The following FAT3 variants were observed in gnomAD, a reference collection of about 807,000 sequenced individuals.
The protein encoded by FAT3 is protocadherin Fat 3.
In FAT3, 95 loss-of-function variants were observed where a neutral mutation model predicts 310.2. The ratio of observed to expected loss-of-function variants is 0.31; its 90% CI spans 0.26 to 0.36. FAT3 has a LOEUF of 0.36. FAT3 is among the 10% of genes least tolerant of loss of function. The pLI is 1.00. For synonymous variants in FAT3, 2,314 were observed against 2,192.9 expected, an observed-to-expected ratio of 1.06 and a Z score of -1.54; for missense variants, 5,408 against 5,715.6, an observed-to-expected ratio of 0.95 and a Z score of 1.74.
intron 6 of FAT3, among the ~76,000 whole-genome samples, chr11:92,770,507 A>G (rs2136107856): frequency 6.6e-6 from 1 of 152,230 alleles, no homozygotes; most frequent in East Asian, 1.9e-4. Context: ...ATTTTTTCTT[A>G]AGTTCGGTGT....
At chr11:92,489,462 T>C (rs1211226121) in intron 2 of FAT3, among the ~76,000 whole-genome samples, 1 of 152,110 alleles carries the variant, frequency 6.6e-6, no homozygotes, top group African/African-American at 2.4e-5. Flanking sequence ...TGAGATCTTA[T>C]GGAGAGTCTG....
intron 2 of FAT3, among the ~76,000 whole-genome samples, chr11:92,377,879 C>T (rs11019940): frequency 0.34 from 51,509 of 152,044 alleles, 11,725 homozygotes; most frequent in African/African-American, 0.65. Context: ...GAGGAAGACA[C>T]GTTTTCTGGG....
chr11:92,599,459 G>A (rs1280038112), intron 3 of FAT3, among the ~76,000 whole-genome samples: 2 of 151,976 alleles, frequency 1.3e-5, no homozygotes, highest in Admixed American at 6.6e-5. Flanking sequence ...AGGATTATGG[G>A]AACTACAGTT....
chr11:92,343,262 T>C (rs1233601028), intron 1 of FAT3, among the ~76,000 whole-genome samples: 1 of 152,118 alleles, frequency 6.6e-6, no homozygotes, highest in African/African-American at 2.4e-5. Context: ...TGAAAAAGGT[T>C]GGGTTTTGGT....
At chr11:92,836,449 A>G (rs1255791823) in intron 15 of FAT3, 117 bp from the exon 16 acceptor site, 6 of 1,182,970 alleles carry the variant, frequency 5.1e-6, no homozygotes, top group African/African-American at 4.7e-5. Context: ...ATTAGAGAGC[A>G]GAGCTCCCGA....
At chr11:92,374,064 C>T (rs1949272642) in intron 2 of FAT3, among the ~76,000 whole-genome samples, 1 of 116,852 alleles carries the variant, frequency 8.6e-6, no homozygotes, top group Non-Finnish European at 1.8e-5. Flanking sequence ...AGAGAATTTG[C>T]TTTCCTTCTG....
At chr11:92,253,822 A>G (rs1462691940) in intron 1 of FAT3, among the ~76,000 whole-genome samples, 1 of 152,164 alleles carries the variant, frequency 6.6e-6, no homozygotes, top group African/African-American at 2.4e-5. Context: ...TTACTGCAGA[A>G]ACATCCAAGG....
At chr11:92,669,657 A>C (rs1943069915) in intron 3 of FAT3, among the ~76,000 whole-genome samples, 1 of 152,214 alleles carries the variant, frequency 6.6e-6, no homozygotes, top group Admixed American at 6.5e-5. Context: ...GGGGTTGGCC[A>C]GTATATCCAG....
At chr11:92,517,761 T>C (rs750308391) in intron 2 of FAT3, among the ~76,000 whole-genome samples, 1 of 151,196 alleles carries the variant, frequency 6.6e-6, no homozygotes, top group Non-Finnish European at 1.5e-5. Flanking sequence ...TACAAGGAAC[T>C]TAAATTTACA....
intron 3 of FAT3, among the ~76,000 whole-genome samples, chr11:92,597,102 G>C (rs1939750996): frequency 6.6e-6 from 1 of 152,080 alleles, no homozygotes; most frequent in South Asian, 2.1e-4. Flanking sequence ...AAATGTGTCT[G>C]ATGTCACAAA....
chr11:92,239,264 G>T (rs1384924104), intron 1 of FAT3, among the ~76,000 whole-genome samples: 1 of 151,958 alleles, frequency 6.6e-6, no homozygotes, highest in East Asian at 1.9e-4. Context: ...CTGGGTTTCT[G>T]GCCTGTCTTC....
At chr11:92,695,306 G>A (rs1451500390) in intron 3 of FAT3, among the ~76,000 whole-genome samples, 13 of 152,112 alleles carry the variant, frequency 8.5e-5, no homozygotes, top group Admixed American at 8.5e-4. Flanking sequence ...GTAAATGAGG[G>A]ATGGAGCAGG....
chr11:92,459,333 T>G (rs75156792), intron 2 of FAT3, among the ~76,000 whole-genome samples: 1,768 of 152,256 alleles, frequency 0.012, 25 homozygotes, highest in Middle Eastern at 0.017. Flanking sequence ...TTGGAGCTGC[T>G]CCTGTAGTGC....
chr11:92,652,557 G>C (rs935130173), intron 3 of FAT3, among the ~76,000 whole-genome samples: 1 of 152,146 alleles, frequency 6.6e-6, no homozygotes, highest in African/African-American at 2.4e-5. Context: ...AGCTTGCCTA[G>C]GATGAAGAAC....
intron 1 of FAT3, among the ~76,000 whole-genome samples, chr11:92,241,555 T>G (rs148246175): frequency 0.016 from 2,455 of 152,184 alleles, 43 homozygotes; most frequent in Non-Finnish European, 0.02. Flanking sequence ...ATGTAATACT[T>G]ATTTTAAAAT....
chr11:92,843,881 T>TA, intron 18 of FAT3, 53 bp from the exon 19 acceptor site: 2 of 1,506,556 alleles, frequency 1.3e-6, no homozygotes, highest in African/African-American at 1.4e-5. Flanking sequence ...TTTAAAAACT[T>TA]ACTATGATTA....
At chr11:92,867,264 G>A (rs1032033303) in intron 22 of FAT3, 55 bp downstream of exon 22, 62 of 1,464,522 alleles carry the variant, frequency 4.2e-5, no homozygotes, top group Non-Finnish European at 5.4e-5. Context: ...GAGAGTGAAT[G>A]AACTGCAGGG....
At chr11:92,761,146 A>G (rs1946140584) in intron 4 of FAT3, among the ~76,000 whole-genome samples, 1 of 152,178 alleles carries the variant, frequency 6.6e-6, no homozygotes, top group Non-Finnish European at 1.5e-5. Context: ...GGCTTAAATA[A>G]CAGAAATTTA....
chr11:92,865,523 C>T (rs376572458), intron 21 of FAT3, among the ~76,000 whole-genome samples: 2 of 152,324 alleles, frequency 1.3e-5, no homozygotes, highest in African/African-American at 2.4e-5. Flanking sequence ...ATGACTCAGA[C>T]GCTGGCCTCC....
Sources: gnomAD v4.1 joint callset for allele counts (sites outside exome capture counted in the v4.1 genomes callset) on GRCh38, gnomAD v4.1.1 for gene constraint, MANE v1.5 for transcripts, NCBI Gene and HGNC (gene_info 2026-07-23, HGNC 2026-07-21) for gene names.